Variants in VCL observed in about 807,000 individuals in gnomAD.
The protein encoded by VCL is epididymis luminal protein 114.
In VCL, 47 loss-of-function variants were observed where a neutral mutation model predicts 125.7. The ratio of observed to expected loss-of-function variants is 0.37; its 90% CI spans 0.30 to 0.48. The LOEUF (loss-of-function observed/expected upper bound fraction) is 0.48. Among genes scored for constraint, VCL ranks in the 20% least tolerant of loss-of-function variants. The probability of loss-of-function intolerance (pLI) is 0.99; values close to 1 mark genes in which losing one functional copy is unlikely to be tolerated. For missense variants in VCL, 1,069 were observed against 1,455.5 expected (o/e 0.73, Z 4.32); for synonymous variants, 458 against 514.6 (o/e 0.89, Z 1.49).
In VCL at chr10:74,097,429, G is replaced by A; in HGVS notation, c.1872+97G>A. 1 of 1,558,064 alleles carries A rather than the reference G, an allele frequency of 6.4e-7. No homozygotes were observed. Among genetic ancestry groups the A allele is most frequent in the Non-Finnish European group, 8.7e-7 (1 of 1,147,672 alleles). On this transcript the variant is annotated intron_variant, in intron 13 of 21. Transcript: ENST00000211998. The surrounding 1 kb of genome is among the most constrained non-coding windows in gnomAD (Gnocchi z 4.1). ...CAGTGGACATCAGGATCAGTGGTTG[G>A]GAAACTGTAGATGAAGGGTGGAAGA...
chr10:74,072,025 C>T (rs766442767), intron 4 of VCL, among the ~76,000 whole-genome samples: 47 of 152,162 alleles, frequency 3.1e-4, no homozygotes, highest in Admixed American at 1.2e-3. Flanking sequence ...ACCTCTGCTT[C>T]TCTTTGGTCT....
At position 74,118,661 on chromosome 10, in the gene VCL, T is replaced by C. The variant is rs1564537069; in HGVS notation, c.*492T>C. ...TTTCCATGTTGCTGCCAACCATACCTTCCTTCCCTGGGCTGTGCTACCTGG... is the reference window on the plus strand; with the variant it reads ...TTTCCATGTTGCTGCCAACCATACCCTCCTTCCCTGGGCTGTGCTACCTGG... On this transcript the variant is annotated 3_prime_UTR_variant, in exon 22 of 22. Transcript: ENST00000211998. 1 of 238,650 alleles carries C rather than the reference T, an allele frequency of 4.2e-6. No homozygotes were observed. Among genetic ancestry groups the C allele is most frequent in the East Asian group, 1.0e-4 (1 of 9,984 alleles). 14.8% of individuals were successfully genotyped at this position (238,650 alleles called of 1,614,324 possible).
downstream of VCL, chr10:74,120,309 A>G (rs1840396596): frequency 6.6e-6 from 1 of 152,262 alleles, no homozygotes; most frequent in Non-Finnish European, 1.5e-5. Context: ...AGAAGAAATC[A>G]ACAGTGGTAT....
At chr10:74,068,246 C>CTT (rs1295967926) in intron 2 of VCL, among the ~76,000 whole-genome samples, 1 of 152,182 alleles carries the variant, frequency 6.6e-6, no homozygotes, top group Non-Finnish European at 1.5e-5. Flanking sequence ...AGGCTAATAA[C>CTT]TATTAGCCTG....
intron 2 of VCL, among the ~76,000 whole-genome samples, chr10:74,046,405 C>T (rs1841197294): frequency 6.6e-6 from 1 of 152,080 alleles, no homozygotes; most frequent in Admixed American, 6.6e-5. Context: ...CCACTATGCC[C>T]GGACAATTTT....
chr10:74,051,961 C>T (rs769366554), intron 2 of VCL, among the ~76,000 whole-genome samples: 1 of 152,154 alleles, frequency 6.6e-6, no homozygotes, highest in East Asian at 1.9e-4. Context: ...AGGCAGCGTG[C>T]CCAGAGTAGC....
chr10:74,042,167 C>A (rs1353990052), intron 1 of VCL, among the ~76,000 whole-genome samples: 2 of 152,058 alleles, frequency 1.3e-5, no homozygotes, highest in African/African-American at 4.8e-5. Flanking sequence ...AATATAATGT[C>A]ATAAACATTT....
intron 6 of VCL, among the ~76,000 whole-genome samples, chr10:74,081,570 G>T (rs762436673): frequency 6.6e-6 from 1 of 152,192 alleles, no homozygotes; most frequent in African/African-American, 2.4e-5. Context: ...GGTCTTTGAA[G>T]ATGCTAAATA....
rs1394161657 is a variant in VCL at position 74,114,418 on chromosome 10, T to C, written c.3153+31T>C. ...CGGGGAAAGAGGCTGCGTGTGTGTG[T>C]GTGTGTGTGTGTGTGTGTGCGTGTG... On this transcript the variant is annotated intron_variant, in intron 20 of 21. Coordinates refer to ENST00000211998, the MANE Select transcript of VCL (RefSeq NM_014000.3). 4.8e-6 allele frequency: 7 copies of C among 1,451,630 alleles called. No individual in the cohort carries two copies. The Admixed American group carries it at 9.8e-5, about 20-fold the overall frequency. 89.9% of individuals were successfully genotyped at this position (1,451,630 alleles called of 1,614,324 possible). A position where few individuals can be genotyped will look rare whatever the true frequency, so the allele number is the denominator to read the frequency against.
At chr10:74,057,373 T>C (rs533756299) in intron 2 of VCL, among the ~76,000 whole-genome samples, 2 of 152,320 alleles carry the variant, frequency 1.3e-5, no homozygotes, top group African/African-American at 4.8e-5. Context: ...AAATTTTATA[T>C]TGGAGTTCAT....
At chr10:74,032,464 G>A (rs576870839) in intron 1 of VCL, among the ~76,000 whole-genome samples, 70 of 151,946 alleles carry the variant, frequency 4.6e-4, no homozygotes, top group Non-Finnish European at 4.7e-4. Flanking sequence ...TTGGGAGGCC[G>A]AAGCAGGCAG....
chr10:74,004,344 G>A (rs1422328975), intron 1 of VCL, among the ~76,000 whole-genome samples: 2 of 152,258 alleles, frequency 1.3e-5, no homozygotes, highest in African/African-American at 4.8e-5. Flanking sequence ...GGTGGTCTCC[G>A]TTTTACAGAT....
intron 2 of VCL, among the ~76,000 whole-genome samples, chr10:74,053,190 C>T (rs1247065519): frequency 2.0e-5 from 3 of 152,008 alleles, no homozygotes; most frequent in African/African-American, 7.2e-5. Context: ...CTAAAACTCC[C>T]TGTATCTGGT....
At chr10:74,063,553 A>G (rs1181421922) in intron 2 of VCL, 1 of 152,224 alleles carries the variant, frequency 6.6e-6, no homozygotes, top group African/African-American at 2.4e-5. Flanking sequence ...TTGCCATGTC[A>G]GTGAAATAAT....
rs1460751382 is a variant in VCL at position 74,114,309 on chromosome 10, C to T, written c.3075C>T (p.Ala1025=). The T allele has an allele frequency of 1.9e-6, 3 of 1,614,038 alleles. No individual in the cohort carries two copies. Among genetic ancestry groups the T allele is most frequent in the East Asian group, 4.5e-5 (2 of 44,864 alleles). ...AGTGTGCCAAGGACATCGCCAAGGC[C>T]TCAGATGAGGTGACTCGGTTGGCCA... ...LIQCAKDIAK[A]SDEVTRLAKE... is the part of the protein sequence containing the mutation. Residue 1025 remains alanine (A), a synonymous_variant, in exon 20 of 22, where the codon GCC becomes GCT. Transcript: ENST00000211998.
intron 19 of VCL, among the ~76,000 whole-genome samples, chr10:74,113,063 G>A (rs2131938430): frequency 6.6e-6 from 1 of 152,312 alleles, no homozygotes; most frequent in Non-Finnish European, 1.5e-5. Context: ...CCGCTTCATG[G>A]TGCCTGTAGA....
intron 8 of VCL, among the ~76,000 whole-genome samples, chr10:74,087,394 G>A (rs1839800477): frequency 1.4e-5 from 2 of 138,564 alleles, no homozygotes; most frequent in African/African-American, 5.4e-5. Flanking sequence ...CGCCCAGGCT[G>A]GAGTGCAGTG....
intron 18 of VCL, among the ~76,000 whole-genome samples, chr10:74,109,940 A>G (rs1385113877): frequency 1.3e-5 from 2 of 151,702 alleles, no homozygotes; most frequent in Admixed American, 6.6e-5. Flanking sequence ...CCCACCACCT[A>G]TTTGCCTTTA....
At chr10:74,087,635 C>T (rs1238936618) in intron 8 of VCL, among the ~76,000 whole-genome samples, 1 of 146,840 alleles carries the variant, frequency 6.8e-6, no homozygotes, top group Non-Finnish European at 1.5e-5. Flanking sequence ...GCTGGGATTA[C>T]AGGCGTGAGC....
Sources: allele counts gnomAD v4.1 joint callset (sites outside exome capture counted in the v4.1 genomes callset), GRCh38; gene constraint gnomAD v4.1.1; non-coding constraint Gnocchi (gnomAD v3.1); transcripts MANE v1.5; gene names NCBI Gene and HGNC (gene_info 2026-07-23, HGNC 2026-07-21).